CADM2: variants seen among roughly 807,000 people sequenced by gnomAD.
CADM2 encodes cell adhesion molecule 2.
A neutral mutation model predicts 49.8 loss-of-function variants in CADM2; 12 were observed. That is an observed-to-expected ratio of 0.24 (90% confidence interval 0.15 to 0.39). CADM2 has a LOEUF of 0.39. Among genes scored for constraint, CADM2 ranks in the 10% least tolerant of loss-of-function variants. The pLI, the probability that CADM2 is intolerant of heterozygous loss-of-function variation, is 1.00. For missense variants in CADM2, 378 were observed against 492.3 expected, an observed-to-expected ratio of 0.77 and a Z score of 2.20; for synonymous variants, 214 against 175.4, an observed-to-expected ratio of 1.22 and a Z score of -1.74.
chr3:85,182,242 T>C (rs182401407), intron 1 of CADM2, among the ~76,000 whole-genome samples: 2 of 152,150 alleles, frequency 1.3e-5, no homozygotes, highest in East Asian at 3.9e-4. Context: ...ATCCCTCTCA[T>C]CTTCAGTGAG....
chr3:85,380,252 G>A (rs900458988), intron 1 of CADM2, among the ~76,000 whole-genome samples: 3 of 151,894 alleles, frequency 2.0e-5, no homozygotes, highest in South Asian at 2.1e-4. Flanking sequence ...ATTTAGAATC[G>A]TGACACCTTT....
intron 8 of CADM2, among the ~76,000 whole-genome samples, chr3:86,008,308 A>T (rs763701517): frequency 3.9e-5 from 6 of 152,144 alleles, no homozygotes; most frequent in African/African-American, 1.4e-4. Flanking sequence ...CAGTTACATA[A>T]CCAAACAAAA....
intron 2 of CADM2, among the ~76,000 whole-genome samples, chr3:85,768,449 A>G (rs1473819392): frequency 9.8e-6 from 1 of 101,600 alleles, no homozygotes; most frequent in Non-Finnish European, 2.1e-5. Context: ...CCATCTCAAA[A>G]TAAATAAATA....
intron 1 of CADM2, among the ~76,000 whole-genome samples, chr3:85,296,006 C>G (rs1331672737): frequency 6.6e-6 from 1 of 151,832 alleles, no homozygotes; most frequent in Non-Finnish European, 1.5e-5. Flanking sequence ...TGTCAGATGT[C>G]TCTATTTAAA....
chr3:85,625,422 A>G (rs1171535601), intron 1 of CADM2, among the ~76,000 whole-genome samples: 1 of 152,092 alleles, frequency 6.6e-6, no homozygotes, highest in Non-Finnish European at 1.5e-5. Flanking sequence ...GTAAGGATGC[A>G]TGCTATTAGG....
intron 2 of CADM2, among the ~76,000 whole-genome samples, chr3:85,789,853 T>C (rs1225991062): frequency 6.6e-6 from 1 of 152,214 alleles, no homozygotes; most frequent in East Asian, 1.9e-4. Flanking sequence ...TTTTGCATTT[T>C]GGCAGGGTAA....
chr3:85,235,906 T>C (rs1258100173), intron 1 of CADM2, among the ~76,000 whole-genome samples: 1 of 152,170 alleles, frequency 6.6e-6, no homozygotes, highest in African/African-American at 2.4e-5. Flanking sequence ...GCTCTTATTT[T>C]ACGCTGTATA....
intron 1 of CADM2, among the ~76,000 whole-genome samples, chr3:85,065,777 C>A (rs910879662): frequency 1.3e-5 from 2 of 152,124 alleles, no homozygotes; most frequent in Non-Finnish European, 2.9e-5. Context: ...ATTTGCTTAG[C>A]AATCAATGTC....
At chr3:85,500,930 T>C (rs6549030) in intron 1 of CADM2, among the ~76,000 whole-genome samples, 90,396 of 151,914 alleles carry the variant, frequency 0.6, 28,351 homozygotes, top group East Asian at 0.93. Context: ...ATTAAGCTCT[T>C]AGACCATCAA....
At chr3:85,363,228 C>A (rs1448247100) in intron 1 of CADM2, among the ~76,000 whole-genome samples, 4 of 152,158 alleles carry the variant, frequency 2.6e-5, no homozygotes, top group Non-Finnish European at 5.9e-5. Flanking sequence ...TACATATGGT[C>A]ATTTCATAGT....
intron 5 of CADM2, among the ~76,000 whole-genome samples, chr3:85,892,915 T>A (rs1156636617): frequency 6.6e-6 from 1 of 152,168 alleles, no homozygotes; most frequent in Non-Finnish European, 1.5e-5. Flanking sequence ...TGTGGGAAAC[T>A]TTGGCACTCC....
intron 7 of CADM2, among the ~76,000 whole-genome samples, chr3:85,957,211 T>G (rs1013317736): frequency 1.5e-4 from 23 of 151,728 alleles, no homozygotes; most frequent in African/African-American, 5.3e-4. Flanking sequence ...GTTAAAAGAT[T>G]TAGGATAAAT....
intron 1 of CADM2, among the ~76,000 whole-genome samples, chr3:85,662,543 T>C (rs1677011826): frequency 6.6e-6 from 1 of 152,048 alleles, no homozygotes; most frequent in Non-Finnish European, 1.5e-5. Context: ...AGCACAACTT[T>C]CCCATGTAAT....
intron 1 of CADM2, among the ~76,000 whole-genome samples, chr3:85,468,995 A>T (rs1029015024): frequency 1.3e-5 from 2 of 152,142 alleles, no homozygotes; most frequent in South Asian, 4.1e-4. Flanking sequence ...TGGGGAGGGA[A>T]AATAATTACC....
At chr3:85,271,033 G>A (rs2043230733) in intron 1 of CADM2, among the ~76,000 whole-genome samples, 1 of 151,198 alleles carries the variant, frequency 6.6e-6, no homozygotes, top group Non-Finnish European at 1.5e-5. Flanking sequence ...ACCCTTTCAT[G>A]TTTCTTGTTA....
chr3:85,399,604 A>G (rs773259877), intron 1 of CADM2, among the ~76,000 whole-genome samples: 24 of 152,178 alleles, frequency 1.6e-4, no homozygotes, highest in Non-Finnish European at 3.1e-4. Flanking sequence ...CTTCCTATCC[A>G]TGAGCATGGA....
intron 1 of CADM2, among the ~76,000 whole-genome samples, chr3:85,593,006 C>G (rs953403295): frequency 2.6e-5 from 4 of 151,872 alleles, no homozygotes; most frequent in African/African-American, 9.7e-5. Context: ...TCCAAAGAGC[C>G]TGTATTCTGT....
At chr3:84,990,464 G>T (rs2032819742) in intron 1 of CADM2, among the ~76,000 whole-genome samples, 1 of 151,456 alleles carries the variant, frequency 6.6e-6, no homozygotes, top group Admixed American at 6.6e-5. Flanking sequence ...TAGTTTAAAG[G>T]TTTCTTTCCT....
intron 8 of CADM2, among the ~76,000 whole-genome samples, chr3:86,045,899 C>T (rs1227943612): frequency 6.6e-6 from 1 of 152,102 alleles, no homozygotes; most frequent in African/African-American, 2.4e-5. Flanking sequence ...ACAGCAGACT[C>T]TTTTTTGTCC....
Sources: gnomAD v4.1 joint callset for allele counts (sites outside exome capture counted in the v4.1 genomes callset) on GRCh38, gnomAD v4.1.1 for gene constraint, MANE v1.5 for transcripts, NCBI Gene and HGNC (gene_info 2026-07-23, HGNC 2026-07-21) for gene names.